Variants in RANBP2 observed in about 807,000 individuals in gnomAD.
The protein encoded by RANBP2 is E3 SUMO-protein ligase RanBP2.
In RANBP2, 57 loss-of-function variants were observed where a neutral mutation model predicts 303.6. The ratio of observed to expected loss-of-function variants is 0.19; its 90% CI spans 0.15 to 0.23. The LOEUF (loss-of-function observed/expected upper bound fraction) is 0.23. Ranked by LOEUF, RANBP2 falls within the 10% of genes least tolerant of loss-of-function variation. The pLI is 1.00. For synonymous variants in RANBP2, 1,167 were observed against 1,301.5 expected (o/e 0.90, Z 2.23); for missense variants, 3,138 against 3,780.8 (o/e 0.83, Z 4.46).
chr2:109,175,248 C>T, the RANBP2 span, among the ~76,000 whole-genome samples: 1 of 152,170 alleles, frequency 6.6e-6, no homozygotes, highest in African/African-American at 2.4e-5. Context: ...TTTTCCTTGC[C>T]TGGCACTTGT....
the RANBP2 span, among the ~76,000 whole-genome samples, chr2:109,448,832 G>T: frequency 6.6e-6 from 1 of 152,186 alleles, no homozygotes; most frequent in Non-Finnish European, 1.5e-5. Flanking sequence ...TGCCAAAATG[G>T]TTGGGGACCG....
At chr2:109,538,555 C>T in the RANBP2 span, among the ~76,000 whole-genome samples, 5 of 152,314 alleles carry the variant, frequency 3.3e-5, no homozygotes, top group East Asian at 1.9e-4. Context: ...CTCACTCTGT[C>T]GTCCAGGCCA....
the RANBP2 span, among the ~76,000 whole-genome samples, chr2:109,623,477 CCGGA>C: frequency 6.6e-6 from 1 of 152,214 alleles, no homozygotes; most frequent in Non-Finnish European, 1.5e-5. Context: ...CTCCTGCGGT[CCGGA>C]CTCTGCCCCA....
chr2:109,602,987 T>A, the RANBP2 span, among the ~76,000 whole-genome samples: 1 of 150,470 alleles, frequency 6.6e-6, no homozygotes, highest in Non-Finnish European at 1.5e-5. Context: ...AGGAGGATCA[T>A]CTGAGCCTGG....
At chr2:109,391,843 C>CT in the RANBP2 span, among the ~76,000 whole-genome samples, 929 of 150,002 alleles carry the variant, frequency 6.2e-3, 10 homozygotes, top group African/African-American at 0.022. Context: ...ATATGGTCTT[C>CT]TTTTTTTTTT....
chr2:108,808,464 T>A, the RANBP2 span, among the ~76,000 whole-genome samples: 5 of 152,194 alleles, frequency 3.3e-5, no homozygotes, highest in Admixed American at 6.5e-5. Flanking sequence ...GCTGTGCTAA[T>A]TTATATCCCC....
the RANBP2 span, among the ~76,000 whole-genome samples, chr2:108,917,364 G>A: frequency 4.6e-5 from 7 of 152,068 alleles, no homozygotes; most frequent in Non-Finnish European, 7.4e-5. Context: ...TGACTACAGC[G>A]GACAATAATG....
chr2:109,130,079 A>G, the RANBP2 span: 1 of 1,364,358 alleles, frequency 7.3e-7, no homozygotes, highest in Non-Finnish European at 9.4e-7. Flanking sequence ...AGTCTGCGGG[A>G]GCTGGCGACC....
the RANBP2 span, among the ~76,000 whole-genome samples, chr2:108,973,048 G>A: frequency 0.026 from 3,936 of 152,060 alleles, 83 homozygotes; most frequent in Non-Finnish European, 0.033. Flanking sequence ...CTGCAGTGGC[G>A]CAATTTCAGC....
At chr2:109,347,623 G>A in the RANBP2 span, 1 of 1,586,156 alleles carries the variant, frequency 6.3e-7, no homozygotes, top group Admixed American at 1.7e-5. Context: ...TCCACTGTGG[G>A]GCATTGGGAA....
the RANBP2 span, chr2:108,846,970 A>T: frequency 2.8e-6 from 3 of 1,087,294 alleles, no homozygotes; most frequent in Non-Finnish European, 4.1e-6. Flanking sequence ...TTTGAGAAAC[A>T]ATAGAGAATA....
chr2:109,623,792 A>G, the RANBP2 span, among the ~76,000 whole-genome samples: 1 of 152,222 alleles, frequency 6.6e-6, no homozygotes, highest in African/African-American at 2.4e-5. Flanking sequence ...GGATACCACC[A>G]TGGAAGCCAA....
At chr2:109,241,514 C>T in the RANBP2 span, among the ~76,000 whole-genome samples, 1 of 151,954 alleles carries the variant, frequency 6.6e-6, no homozygotes, top group South Asian at 2.1e-4. Flanking sequence ...ATTTTGTTGG[C>T]AGAAAATCAG....
chr2:109,031,622 A>ACC, the RANBP2 span, among the ~76,000 whole-genome samples: 2 of 151,970 alleles, frequency 1.3e-5, no homozygotes, highest in African/African-American at 4.8e-5. Flanking sequence ...TGCTGTGTGC[A>ACC]CCCCCTGCAG....
chr2:109,645,791 G>C, the RANBP2 span, among the ~76,000 whole-genome samples: 2 of 152,168 alleles, frequency 1.3e-5, no homozygotes, highest in Non-Finnish European at 2.9e-5. Context: ...TGTGAACATA[G>C]ATGAAGCTGT....
chr2:109,612,793 A>G, the RANBP2 span, among the ~76,000 whole-genome samples: 1 of 152,246 alleles, frequency 6.6e-6, no homozygotes, highest in Admixed American at 6.5e-5. Flanking sequence ...AAAATACGCG[A>G]TAGAATGAAA....
chr2:109,081,367 C>A, the RANBP2 span, among the ~76,000 whole-genome samples: 1 of 152,252 alleles, frequency 6.6e-6, no homozygotes, highest in East Asian at 1.9e-4. Flanking sequence ...GGCAGCCCCC[C>A]ATGCAGGGAT....
the RANBP2 span, among the ~76,000 whole-genome samples, chr2:108,949,086 T>C: frequency 6.6e-6 from 1 of 152,188 alleles, no homozygotes; most frequent in Non-Finnish European, 1.5e-5. Flanking sequence ...CAAGTGATTC[T>C]CTCACCTCAG....
chr2:109,103,942 C>T, the RANBP2 span, among the ~76,000 whole-genome samples: 8 of 151,934 alleles, frequency 5.3e-5, no homozygotes, highest in African/African-American at 1.9e-4. Flanking sequence ...TACAGGCGCC[C>T]GCCACCACAC....
Sources: allele counts gnomAD v4.1 joint callset (sites outside exome capture counted in the v4.1 genomes callset), GRCh38; gene constraint gnomAD v4.1.1; transcripts MANE v1.5; gene names NCBI Gene and HGNC (gene_info 2026-07-23, HGNC 2026-07-21).